Variants in NRCAM observed in about 807,000 individuals in gnomAD.
The protein encoded by NRCAM is neuronal cell adhesion molecule, also known as NgCAM-related cell adhesion molecule.
A neutral mutation model predicts 156.5 loss-of-function variants in NRCAM; 83 were observed. That is an observed-to-expected ratio of 0.53 (90% CI 0.44 to 0.64). NRCAM has a LOEUF of 0.64. Among genes scored for constraint, NRCAM ranks in the 30% least tolerant of loss-of-function variants. The probability of loss-of-function intolerance (pLI) is 0.00; values close to 1 mark genes in which losing one functional copy is unlikely to be tolerated. For missense variants in NRCAM, 1,417 were observed against 1,597.3 expected (o/e 0.89, Z 1.92); for synonymous variants, 538 against 563.9 (o/e 0.95, Z 0.65).
intron 3 of NRCAM, among the ~76,000 whole-genome samples, chr7:108,285,968 A>C (rs2098082777): frequency 6.6e-6 from 1 of 152,236 alleles, no homozygotes; most frequent in African/African-American, 2.4e-5. Flanking sequence ...AATAGTAGTC[A>C]GCAAACAGTT....
At chr7:108,426,040 A>T (rs996328987) in intron 1 of NRCAM, among the ~76,000 whole-genome samples, 1 of 152,234 alleles carries the variant, frequency 6.6e-6, no homozygotes, top group African/African-American at 2.4e-5. Flanking sequence ...TGCATTCATC[A>T]TTTTTAAAAA....
chr7:108,172,905 T>C (rs969251848), intron 28 of NRCAM, among the ~76,000 whole-genome samples: 36 of 152,282 alleles, frequency 2.4e-4, no homozygotes, highest in African/African-American at 7.9e-4. Flanking sequence ...TGCATTTCTT[T>C]TCCCCTCTTT....
intron 12 of NRCAM, among the ~76,000 whole-genome samples, chr7:108,207,958 T>C (rs1588256315): frequency 6.6e-6 from 1 of 152,200 alleles, no homozygotes; most frequent in East Asian, 1.9e-4. Context: ...TATCTAAGCA[T>C]ACAGAGAAAA....
chr7:108,176,530 A>T lies in NRCAM; in HGVS notation c.3051T>A (p.Asn1017Lys). The change falls in exon 27 of 33, where the codon AAT (asparagine) becomes AAA (lysine). Residue 1017 changes from asparagine to lysine, a missense_variant. Transcript: ENST00000379028. Reference protein sequence around the residue: ...PANKTRWTLKNLNFSTRYKFY... With the variant: ...PANKTRWTLKKLNFSTRYKFY... ...ACTTATATCGAGTGCTGAAATTTAA[A>T]TTTTTTAAAGTCCACCGTGTCTTGT... is the stretch of plus-strand genomic sequence containing the variant. The T allele has an allele frequency of 6.2e-7, 1 of 1,613,734 alleles. No individual in the cohort carries two copies. Among genetic ancestry groups the T allele is most frequent in the Non-Finnish European group, 8.5e-7 (1 of 1,179,840 alleles).
intron 2 of NRCAM, among the ~76,000 whole-genome samples, chr7:108,337,781 AAGCCGCCCGCCACCATCTTGGG>A (rs1375963952): frequency 2.6e-5 from 4 of 152,134 alleles, no homozygotes; most frequent in East Asian, 3.9e-4. Flanking sequence ...ACCATCTTGG[AAGCCGCCCGCCACCATCTTGGG>A]AGCTCTGGGA....
At chr7:108,406,540 C>T (rs1029461564) in intron 1 of NRCAM, among the ~76,000 whole-genome samples, 1 of 152,204 alleles carries the variant, frequency 6.6e-6, no homozygotes, top group Non-Finnish European at 1.5e-5. Flanking sequence ...GAGAACACTC[C>T]TCAGATTGAA....
At chr7:108,329,154 C>T (rs546253934) in intron 2 of NRCAM, among the ~76,000 whole-genome samples, 2 of 152,236 alleles carry the variant, frequency 1.3e-5, no homozygotes, top group East Asian at 3.9e-4. Flanking sequence ...TTCTCTAGTA[C>T]CCACAGTCAT....
intron 2 of NRCAM, among the ~76,000 whole-genome samples, chr7:108,314,447 A>G (rs940640181): frequency 5.9e-5 from 9 of 152,208 alleles, no homozygotes; most frequent in African/African-American, 1.9e-4. Context: ...ACCCTATTAA[A>G]TAAAATCAGT....
intron 1 of NRCAM, among the ~76,000 whole-genome samples, chr7:108,455,895 G>T (rs1001608466): frequency 6.6e-6 from 1 of 152,212 alleles, no homozygotes; most frequent in Non-Finnish European, 1.5e-5. Flanking sequence ...AGAGCTCTGG[G>T]CAGGGCTTCC....
chr7:108,256,792 G>A (rs2096685929), intron 3 of NRCAM, among the ~76,000 whole-genome samples: 1 of 152,058 alleles, frequency 6.6e-6, no homozygotes, highest in Non-Finnish European at 1.5e-5. Flanking sequence ...AAGGCGGGCG[G>A]ATTACTTGAG....
At chr7:108,328,232 A>T (rs2099090564) in intron 2 of NRCAM, among the ~76,000 whole-genome samples, 1 of 152,200 alleles carries the variant, frequency 6.6e-6, no homozygotes, top group Non-Finnish European at 1.5e-5. Flanking sequence ...ACACAAAATA[A>T]AACCAAATCA....
At chr7:108,412,083 G>T (rs957892214) in intron 1 of NRCAM, among the ~76,000 whole-genome samples, 4 of 152,166 alleles carry the variant, frequency 2.6e-5, no homozygotes, top group Admixed American at 1.3e-4. Flanking sequence ...AGGCTATTAT[G>T]ATTTACACAT....
chr7:108,196,757 T>C (rs2075350242), intron 14 of NRCAM, among the ~76,000 whole-genome samples: 1 of 152,314 alleles, frequency 6.6e-6, no homozygotes, highest in Middle Eastern at 3.4e-3. Context: ...ACAGCCATTA[T>C]GGAAAATACT....
Position 108,149,335 on chromosome 7 carries a change from T to G in NRCAM, c.*575A>C, listed in dbSNP as rs551107808. The G allele has an allele frequency of 2.0e-5, 3 of 152,722 alleles. No homozygotes were observed. The highest frequency in any genetic ancestry group is 4.4e-5 in the Non-Finnish European group (3 of 68,104). 9.5% of individuals were successfully genotyped at this position (152,722 alleles called of 1,614,324 possible). A position where few individuals can be genotyped will look rare whatever the true frequency, so the allele number is the denominator to read the frequency against. On this transcript the variant is annotated 3_prime_UTR_variant, in exon 33 of 33. Coordinates refer to ENST00000379028, the MANE Select transcript of NRCAM (RefSeq NM_001037132.4). Reference sequence around the variant, plus strand: ...TCTCAGTAAGCATCAGCAATGTGACTGTCATAATGAACTCATTTAGCAAGT... The same window carrying G: ...TCTCAGTAAGCATCAGCAATGTGACGGTCATAATGAACTCATTTAGCAAGT...
chr7:108,405,955 AT>A (rs10643404), intron 1 of NRCAM, among the ~76,000 whole-genome samples: 5,875 of 128,084 alleles, frequency 0.046, 202 homozygotes, highest in African/African-American at 0.11. Context: ...TGCCTCTACA[AT>A]TTTTTTTTTT....
At chr7:108,320,055 A>T (rs2098981962) in intron 2 of NRCAM, among the ~76,000 whole-genome samples, 1 of 152,244 alleles carries the variant, frequency 6.6e-6, no homozygotes, top group Non-Finnish European at 1.5e-5. Flanking sequence ...CTATACAGTT[A>T]TAAAAAAACA....
chr7:108,198,355 AT>A (rs947368592), intron 13 of NRCAM, among the ~76,000 whole-genome samples: 3 of 151,918 alleles, frequency 2.0e-5, no homozygotes, highest in African/African-American at 7.2e-5. Context: ...TTTTATTTTT[AT>A]TTTTTTAAAG....
chr7:108,453,402 G>A (rs577916716), intron 1 of NRCAM, among the ~76,000 whole-genome samples: 8 of 152,280 alleles, frequency 5.3e-5, no homozygotes, highest in African/African-American at 7.2e-5. Context: ...AGCGATTATT[G>A]CCATCATTGT....
At chr7:108,410,194 A>G (rs1793650859) in intron 1 of NRCAM, among the ~76,000 whole-genome samples, 1 of 152,214 alleles carries the variant, frequency 6.6e-6, no homozygotes, top group Admixed American at 6.5e-5. Context: ...TACAGATAGA[A>G]AAATATAAGC....
Sources: gnomAD v4.1 joint callset for allele counts (sites outside exome capture counted in the v4.1 genomes callset) on GRCh38, gnomAD v4.1.1 for gene constraint, MANE v1.5 for transcripts, NCBI Gene and HGNC (gene_info 2026-07-23, HGNC 2026-07-21) for gene names.